Variants in ANK1 observed in about 807,000 individuals in gnomAD.
ANK1 encodes ankyrin-1.
ANK1 carries 51 observed loss-of-function variants against 210.4 expected under a neutral mutation model. The observed-to-expected ratio is 0.24, with a 90% CI of 0.19 to 0.31. The LOEUF (loss-of-function observed/expected upper bound fraction) is 0.31. Among genes scored for constraint, ANK1 ranks in the 10% least tolerant of loss-of-function variants. ANK1 has a pLI of 1.00. For missense variants in ANK1, 2,051 were observed against 2,504.4 expected, an observed-to-expected ratio of 0.82 and a Z score of 3.86; for synonymous variants, 967 against 1,025.9, an observed-to-expected ratio of 0.94 and a Z score of 1.10.
chr8:41,663,952 G>C, intron 39 of ANK1: 1 of 647,420 alleles, frequency 1.5e-6, no homozygotes, highest in Non-Finnish European at 2.8e-6. Context: ...GCCTGAAGAC[G>C]AACGGTCGAG....
At chr8:41,727,227 C>G in intron 5 of ANK1, 23 bp downstream of exon 5, 2 of 1,597,120 alleles carry the variant, frequency 1.3e-6, no homozygotes, top group Non-Finnish European at 8.6e-7. Context: ...CTGGTGGTGA[C>G]GACATTTTTC....
chr8:41,701,285 C>A (rs1822710715), intron 22 of ANK1, among the ~76,000 whole-genome samples: 1 of 152,204 alleles, frequency 6.6e-6, no homozygotes, highest in South Asian at 2.1e-4. Flanking sequence ...CATACACATC[C>A]ATAATCTATG....
Position 41,674,115 on chromosome 8 carries a change from C to CCCTCAGCCTCCGCTCGGGG in ANK1, c.4538-1222_4538-1204dup, listed in dbSNP as rs569342315. Reference sequence around the variant, plus strand: ...AAGCCAGGCGGGCTCCTTTCTTGCCCCCTCAGCCTCCGCTCGGGGCCTCAG... The same window carrying CCCTCAGCCTCCGCTCGGGG: ...AAGCCAGGCGGGCTCCTTTCTTGCCCCCTCAGCCTCCGCTCGGGGCCTCAGCCTCCGCTCGGGGCCTCAG... On this transcript the variant is annotated intron_variant, in intron 37 of 42. Transcript: ENST00000289734. Among the ~76,000 whole-genome samples the CCCTCAGCCTCCGCTCGGGG allele has an allele frequency of 4.9e-4, 75 of 152,272 alleles. 1 individual carries two copies. The highest frequency in any genetic ancestry group is 2.0e-3 in the Admixed American group (30 of 15,298).
intron 1 of ANK1, among the ~76,000 whole-genome samples, chr8:41,807,347 C>A (rs962786230): frequency 6.6e-6 from 1 of 152,202 alleles, no homozygotes; most frequent in African/African-American, 2.4e-5. Context: ...AACCATGACA[C>A]TATATTGCCT....
chr8:41,664,814 G>T, intron 39 of ANK1: 1 of 1,606,830 alleles, frequency 6.2e-7, no homozygotes. Context: ...CCTTCAGGAA[G>T]ACCCGCCGCC....
intron 1 of ANK1, among the ~76,000 whole-genome samples, chr8:41,821,068 T>C (rs1804184992): frequency 1.3e-5 from 2 of 152,208 alleles, no homozygotes; most frequent in Admixed American, 1.3e-4. Context: ...CAACAGCTTT[T>C]CAGTGCTACT....
At chr8:41,678,130 T>C (rs118063548) in intron 37 of ANK1, among the ~76,000 whole-genome samples, 2,206 of 152,206 alleles carry the variant, frequency 0.014, 27 homozygotes, top group Non-Finnish European at 0.02. Context: ...TTTCTGTCCA[T>C]ATTTCTTTTT....
rs371816885 is a variant in ANK1 at position 41,690,308 on chromosome 8, C to G, written c.4023G>C (p.Ser1341=). 19 of 1,614,128 alleles carry G rather than the reference C, an allele frequency of 1.2e-5. No individual in the cohort carries two copies. Among genetic ancestry groups the G allele is most frequent in the Non-Finnish European group, 1.6e-5 (19 of 1,180,054 alleles). The change falls in exon 33 of 43, where the codon TCG becomes TCC. Residue 1341 remains serine (S), a synonymous_variant. Transcript: ENST00000289734. ...DSSREPGGSL[S]FLRKAMKYED... ...CGTACTTCATCGCCTTGCGCAGAAA[C>G]GACAGGGACCCTCCCGGCTCTCGAC...
At chr8:41,780,411 C>T (rs906201533) in intron 1 of ANK1, among the ~76,000 whole-genome samples, 1 of 152,226 alleles carries the variant, frequency 6.6e-6, no homozygotes, top group Non-Finnish European at 1.5e-5. Context: ...TTTTCAAATG[C>T]CCATAGGAGT....
chr8:41,895,861 T>G (rs1820384175), intron 1 of ANK1, among the ~76,000 whole-genome samples: 2 of 152,028 alleles, frequency 1.3e-5, no homozygotes, highest in Admixed American at 1.3e-4. Context: ...GACGCTCTCT[T>G]CGTCAGAGTG....
At chr8:41,701,897 G>C (rs1822912096) in intron 21 of ANK1, among the ~76,000 whole-genome samples, 155 bp downstream of exon 21, 1 of 152,204 alleles carries the variant, frequency 6.6e-6, no homozygotes, top group South Asian at 2.1e-4. Flanking sequence ...GCACAGCCCC[G>C]CTGGAAGGAG....
At chr8:41,823,115 C>A (rs886801747) in intron 1 of ANK1, among the ~76,000 whole-genome samples, 2 of 152,154 alleles carry the variant, frequency 1.3e-5, no homozygotes, top group African/African-American at 4.8e-5. Context: ...CGGCGCATGA[C>A]CTTTTTATTT....
At chr8:41,896,325 C>A (rs77115522) in intron 1 of ANK1, 4 of 1,580,258 alleles carry the variant, frequency 2.5e-6, no homozygotes, top group African/African-American at 1.4e-5. Context: ...GTGCCGCGGT[C>A]GCTGGGCTTT....
At chr8:41,725,030 T>A (rs138069318) in intron 6 of ANK1, among the ~76,000 whole-genome samples, 173 of 152,054 alleles carry the variant, frequency 1.1e-3, no homozygotes, top group African/African-American at 2.9e-3. Flanking sequence ...CAGCTAATTT[T>A]AAAAAAAATG....
chr8:41,738,262 C>T lies in ANK1; in HGVS notation c.130-4193G>A, dbSNP rs1167342864. On this transcript the variant is annotated intron_variant, in intron 2 of 42. Coordinates refer to ENST00000289734, the MANE Select transcript of ANK1 (RefSeq NM_000037.4). ...CCCAGCTCTCTCAGCAAGTGCCCTCCTCTTCCTTTCCCAAAGCATTTGGAT... is the reference window on the plus strand; with the variant it reads ...CCCAGCTCTCTCAGCAAGTGCCCTCTTCTTCCTTTCCCAAAGCATTTGGAT... 2.6e-5 allele frequency among the ~76,000 whole-genome samples: 4 copies of T among 152,202 alleles called. No homozygotes were observed. The East Asian group carries it at 7.7e-4, about 29-fold the overall frequency.
Position 41,717,718 on chromosome 8 carries a change from G to A in ANK1, c.1207-16C>T. The A allele has an allele frequency of 1.3e-6, 2 of 1,545,824 alleles. No individual in the cohort carries two copies. The highest frequency in any genetic ancestry group is 1.8e-6 in the Non-Finnish European group (2 of 1,141,734). ...TCAGGCCAGACTGAAACAGACAAAGGCAGAGTCCGATAAGTGGGAGTCTTT... is the reference window on the plus strand; with the variant it reads ...TCAGGCCAGACTGAAACAGACAAAGACAGAGTCCGATAAGTGGGAGTCTTT... On this transcript the variant is annotated splice_polypyrimidine_tract_variant and intron_variant, in intron 11 of 42. Coordinates refer to ENST00000289734, the MANE Select transcript of ANK1 (RefSeq NM_000037.4).
rs546456324 is a variant in ANK1, at chr8:41,831,158, C to T, written c.126+65197G>A. Among the ~76,000 whole-genome samples, 42 of 152,250 alleles carry T rather than the reference C, an allele frequency of 2.8e-4. 1 individual carries two copies. The highest frequency in any genetic ancestry group is 9.6e-4 in the African/African-American group (40 of 41,562). On this transcript the variant is annotated intron_variant, in intron 1 of 42. Transcript: ENST00000265709. ...ACGACCTTCCTTAAAACTATGGACT[C>T]GTCATCTGACCTCTCAAGGCCTCCA... is the stretch of plus-strand genomic sequence containing the variant.
intron 38 of ANK1, among the ~76,000 whole-genome samples, chr8:41,671,235 G>A (rs1307690180): frequency 6.6e-6 from 1 of 152,162 alleles, no homozygotes; most frequent in African/African-American, 2.4e-5. Flanking sequence ...TGAAAGCTCC[G>A]TCCTGCCCCA....
intron 1 of ANK1, chr8:41,840,074 A>T (rs538246753): frequency 1.3e-5 from 2 of 152,026 alleles, no homozygotes; most frequent in East Asian, 3.9e-4. Flanking sequence ...ATAGGGTCTC[A>T]CTACATTGCC....
Sources: allele counts gnomAD v4.1 joint callset (sites outside exome capture counted in the v4.1 genomes callset), GRCh38; gene constraint gnomAD v4.1.1; transcripts MANE v1.5; gene names NCBI Gene and HGNC (gene_info 2026-07-23, HGNC 2026-07-21).